Variants in NPAS3 observed in about 807,000 individuals in gnomAD.
The protein encoded by NPAS3 is neuronal PAS domain-containing protein 3.
In NPAS3, 14 loss-of-function variants were observed where a neutral mutation model predicts 73.1. The ratio of observed to expected loss-of-function variants is 0.19; its 90% CI spans 0.13 to 0.30. The LOEUF (loss-of-function observed/expected upper bound fraction) is 0.30. Ranked by LOEUF, NPAS3 falls within the 10% of genes least tolerant of loss-of-function variation. The probability of loss-of-function intolerance (pLI) is 1.00; values close to 1 mark genes in which losing one functional copy is unlikely to be tolerated. For synonymous variants in NPAS3, 620 were observed against 541.5 expected, an observed-to-expected ratio of 1.14 and a Z score of -2.01; for missense variants, 1,096 against 1,250.0, an observed-to-expected ratio of 0.88 and a Z score of 1.86.
chr14:33,695,237 T>C (rs187180587), intron 6 of NPAS3, among the ~76,000 whole-genome samples: 24 of 152,334 alleles, frequency 1.6e-4, no homozygotes, highest in Non-Finnish European at 2.6e-4. Flanking sequence ...ACAATTTATA[T>C]GTAAAGCTGG....
intron 2 of NPAS3, among the ~76,000 whole-genome samples, chr14:33,173,902 TA>T (rs2045489196): frequency 6.6e-6 from 1 of 152,218 alleles, no homozygotes. Flanking sequence ...GTCAGAGAAT[TA>T]CAAACATTGG....
At chr14:32,944,665 T>C (rs1428470714) in intron 1 of NPAS3, among the ~76,000 whole-genome samples, 1 of 152,162 alleles carries the variant, frequency 6.6e-6, no homozygotes, top group African/African-American at 2.4e-5. Context: ...ACTATTAAGT[T>C]TGATAGAATA....
intron 2 of NPAS3, among the ~76,000 whole-genome samples, chr14:33,143,870 C>A (rs1291875424): frequency 6.6e-6 from 1 of 152,174 alleles, no homozygotes; most frequent in Non-Finnish European, 1.5e-5. Flanking sequence ...TTTTGAGGTT[C>A]ATCCATATTG....
chr14:33,412,036 T>A (rs1270570982), intron 4 of NPAS3, among the ~76,000 whole-genome samples: 1 of 152,198 alleles, frequency 6.6e-6, no homozygotes, highest in Non-Finnish European at 1.5e-5. Context: ...TGACTATGTG[T>A]CTGCATAGCT....
At chr14:33,798,401 C>T (rs2063576474) in intron 11 of NPAS3, among the ~76,000 whole-genome samples, 2 of 152,134 alleles carry the variant, frequency 1.3e-5, no homozygotes, top group African/African-American at 4.8e-5. Context: ...AAATCCTACA[C>T]CTCTTTTAAC....
chr14:33,054,389 G>C (rs910598150), intron 1 of NPAS3, among the ~76,000 whole-genome samples: 1 of 152,040 alleles, frequency 6.6e-6, no homozygotes, highest in Non-Finnish European at 1.5e-5. Context: ...TTTAATGAGA[G>C]ATTTGAGTAT....
rs539283854 is a variant in NPAS3, at chr14:33,510,724, C to T, written c.469-49397C>T. ...ATTCTTACATTGACTTTTTATATAA[C>T]GTGTGCTTACTGGAGAACTACCGCT... On this transcript the variant is annotated intron_variant, in intron 4 of 11. Coordinates refer to ENST00000356141, the Ensembl canonical transcript of NPAS3. Among the ~76,000 whole-genome samples, 90 of 152,140 alleles carry T rather than the reference C, an allele frequency of 5.9e-4. 2 individuals are homozygous for T. The highest frequency in any genetic ancestry group is 2.6e-4 in the Non-Finnish European group (18 of 67,970).
chr14:33,101,771 A>G (rs1294030653), intron 2 of NPAS3, among the ~76,000 whole-genome samples: 1 of 152,126 alleles, frequency 6.6e-6, no homozygotes, highest in Non-Finnish European at 1.5e-5. Context: ...TGACTTTCAT[A>G]GGTACTCATC....
At chr14:33,290,305 G>A (rs1456613614) in intron 3 of NPAS3, among the ~76,000 whole-genome samples, 1 of 152,096 alleles carries the variant, frequency 6.6e-6, no homozygotes, top group Non-Finnish European at 1.5e-5. Flanking sequence ...TATTGTTTGG[G>A]TCTGGAATGG....
chr14:33,233,662 T>C (rs531675481), intron 3 of NPAS3, among the ~76,000 whole-genome samples: 6 of 152,280 alleles, frequency 3.9e-5, no homozygotes, highest in African/African-American at 1.4e-4. Flanking sequence ...AATTTATGCT[T>C]ATTTTAACCC....
chr14:33,680,508 T>G, intron 6 of NPAS3: 1 of 677,782 alleles, frequency 1.5e-6, no homozygotes, highest in Admixed American at 2.2e-5. Context: ...TTTTTTGTAT[T>G]TCTTTCTAAA....
chr14:33,469,860 G>A (rs1276912598), intron 4 of NPAS3, among the ~76,000 whole-genome samples: 1 of 152,146 alleles, frequency 6.6e-6, no homozygotes, highest in East Asian at 1.9e-4. Flanking sequence ...AACTTATAGG[G>A]CTGAATTAAT....
intron 1 of NPAS3, among the ~76,000 whole-genome samples, chr14:32,967,891 G>T (rs1433155443): frequency 6.9e-6 from 1 of 144,692 alleles, no homozygotes; most frequent in African/African-American, 2.6e-5. Flanking sequence ...GTGTATCATT[G>T]CAATAGTATT....
At chr14:33,308,410 G>A (rs1162008211) in intron 3 of NPAS3, among the ~76,000 whole-genome samples, 5 of 151,488 alleles carry the variant, frequency 3.3e-5, no homozygotes, top group Non-Finnish European at 7.4e-5. Flanking sequence ...ACCAAATGCC[G>A]AATATCAGGA....
At chr14:32,942,260 T>TA (rs1333545102) in intron 1 of NPAS3, among the ~76,000 whole-genome samples, 1 of 152,346 alleles carries the variant, frequency 6.6e-6, no homozygotes, top group East Asian at 1.9e-4. Context: ...ATCTGAAACT[T>TA]ACAGAGAAAA....
intron 11 of NPAS3, 47 bp downstream of exon 11, chr14:33,797,628 C>T (rs781161836): frequency 2.2e-5 from 35 of 1,602,216 alleles, no homozygotes; most frequent in Admixed American, 3.4e-5. Flanking sequence ...TTGCCCACCA[C>T]GCGCAGGGGG....
intron 2 of NPAS3, among the ~76,000 whole-genome samples, chr14:33,167,415 A>G (rs1023784384): frequency 6.6e-6 from 1 of 152,156 alleles, no homozygotes; most frequent in African/African-American, 2.4e-5. Flanking sequence ...ACACGCACAA[A>G]CAGACACACA....
intron 3 of NPAS3, 45 bp from the exon 4 acceptor site, chr14:33,367,141 C>T (rs776014981): frequency 2.5e-6 from 2 of 792,036 alleles, no homozygotes; most frequent in Non-Finnish European, 4.3e-6. Context: ...TGAATCAGAG[C>T]TCCAACTTAA....
chr14:33,373,998 C>T (rs115137764), intron 4 of NPAS3, among the ~76,000 whole-genome samples: 286 of 152,094 alleles, frequency 1.9e-3, no homozygotes, highest in African/African-American at 6.6e-3. Context: ...GTAAAATAAC[C>T]CTCTTGTTCA....
Sources: allele counts gnomAD v4.1 joint callset (sites outside exome capture counted in the v4.1 genomes callset), GRCh38; gene constraint gnomAD v4.1.1; transcripts MANE v1.5; gene names NCBI Gene and HGNC (gene_info 2026-07-23, HGNC 2026-07-21).